ERMP1: variants seen among roughly 807,000 people sequenced by gnomAD.
ERMP1 encodes the protein endoplasmic reticulum metallopeptidase 1, also known as Felix-ina.
In ERMP1, 86 loss-of-function variants were observed where a neutral mutation model predicts 92.0. The ratio of observed to expected loss-of-function variants is 0.93; its 90% CI spans 0.79 to 1.12. ERMP1 has a LOEUF of 1.12. Among genes scored for constraint, ERMP1 ranks in the 50% most tolerant of loss-of-function variants. The probability of loss-of-function intolerance (pLI) is 0.00; values close to 1 mark genes in which losing one functional copy is unlikely to be tolerated. For missense variants in ERMP1, 1,342 were observed against 1,116.3 expected (o/e 1.20, Z -2.88); for synonymous variants, 530 against 412.8 (o/e 1.28, Z -3.44).
At chr9:5,863,108 C>T (rs139857101) in intron 5 of ERMP1, among the ~76,000 whole-genome samples, 57 of 152,320 alleles carry the variant, frequency 3.7e-4, no homozygotes, top group Admixed American at 3.0e-3. Flanking sequence ...CAGCAAGAAA[C>T]CCTGTCTTCA....
At chr9:5,850,491 G>A (rs1563782184) in intron 6 of ERMP1, among the ~76,000 whole-genome samples, 1 of 151,590 alleles carries the variant, frequency 6.6e-6, no homozygotes, top group Non-Finnish European at 1.5e-5. Flanking sequence ...GGGGGAATTG[G>A]GAGGGAGCAT....
chr9:5,809,176 T>A lies in ERMP1; in HGVS notation c.1548+835A>T, dbSNP rs200099552. Among the ~76,000 whole-genome samples the A allele has an allele frequency of 1.6e-4, 24 of 151,976 alleles. No individual in the cohort carries two copies. In the East Asian group the frequency reaches 1.9e-3, roughly 12 times the overall value. On this transcript the variant is annotated intron_variant, in intron 8 of 14. Transcript: ENST00000339450. ...AGCTGGGACTACAGGCGCCGCCACC[T>A]CGCCCGGCTAATTTTTTGTATTTTT...
intron 13 of ERMP1, among the ~76,000 whole-genome samples, chr9:5,790,918 A>G (rs1003842860): frequency 1.3e-5 from 2 of 152,336 alleles, no homozygotes; most frequent in Admixed American, 6.5e-5. Flanking sequence ...ACATGGGTAT[A>G]TATCTGCTTT....
intron 10 of ERMP1, among the ~76,000 whole-genome samples, chr9:5,803,034 AAAACAAAC>A (rs143822704): frequency 1.2e-4 from 18 of 151,604 alleles, no homozygotes; most frequent in African/African-American, 1.7e-4. Flanking sequence ...CTCTGTCTCA[AAAACAAAC>A]AAACAAACAA....
Position 5,812,911 on chromosome 9 carries a change from G to C in ERMP1, c.999C>G (p.Tyr333Ter). The part of the protein sequence containing the change: ...IIPSDTDFRI[Y>*]RDFGNIPGID... The stretch of plus-strand genomic sequence containing the variant: ...TACCTGGAATGTTCCCAAAATCCCT[G>C]TAGATACGAAAGTCAGTATCTGAAG... Residue 333 changes from tyrosine (Y) to a stop codon, truncating the protein, a stop_gained, in exon 5 of 15, where the codon TAC becomes TAG. Transcript: ENST00000339450. LOFTEE classifies it high-confidence loss of function. 1 of 1,613,930 alleles carries C rather than the reference G, an allele frequency of 6.2e-7. No individual in the cohort carries two copies. Among genetic ancestry groups the C allele is most frequent in the Non-Finnish European group, 8.5e-7 (1 of 1,179,880 alleles).
At position 5,787,324 on chromosome 9, in the gene ERMP1, A is replaced by G; in HGVS notation, c.2551-16T>C. 3 of 1,609,710 alleles carry G rather than the reference A, an allele frequency of 1.9e-6. No individual in the cohort carries two copies. The highest frequency in any genetic ancestry group is 2.5e-6 in the Non-Finnish European group (3 of 1,178,132). On this transcript the variant is annotated splice_polypyrimidine_tract_variant and intron_variant, in intron 14 of 14. Transcript: ENST00000339450. ...CTTCTGAAACCTGCCAGAGAAAATC[A>G]ATTAGTTCTCCAGTTCTCAGAAGCC...
In ERMP1 at chr9:5,812,127, G is replaced by C; in HGVS notation, c.1112C>G (p.Ala371Gly). 6.3e-7 allele frequency: 1 copy of C among 1,589,242 alleles called. No homozygotes were observed. Among genetic ancestry groups the C allele is most frequent in the African/African-American group, 1.4e-5 (1 of 74,006 alleles). The change falls in exon 6 of 15, where the codon GCA becomes GGA. Residue 371 changes from alanine (A) to glycine (G), a missense_variant and splice_region_variant. Physicochemically the swap from Ala to Gly is moderately conservative, Grantham distance 60. Coordinates refer to ENST00000339450, the MANE Select transcript of ERMP1 (RefSeq NM_024896.3). ...AAAGTCTAAATTGGAATACCAACCT[G>C]CTCTCTGAATGGAATCTGTTAGAAT... Reference protein sequence around the residue: ...DRILTDSIQRAGDNILAVLKH... With the variant: ...DRILTDSIQRGGDNILAVLKH...
intron 13 of ERMP1, chr9:5,791,208 A>C (rs1223418776): frequency 1.1e-5 from 5 of 456,690 alleles, no homozygotes; most frequent in Non-Finnish European, 1.8e-5. Flanking sequence ...AGAGTGATTG[A>C]GATTTATTTT....
rs1828662126 is a variant in ERMP1, at chr9:5,801,266, ACATAC to A, written c.1972_1976del (p.Val658CysfsTer16). Reference sequence around the variant, plus strand: ...TGCAAACAAGGAGGAATGTAATTGCACATACCAAAGTTAAAGTTAGCATGGTTTTT... The same window carrying A: ...TGCAAACAAGGAGGAATGTAATTGCACAAAGTTAAAGTTAGCATGGTTTTT... On this transcript the variant is annotated frameshift_variant, in exon 11 of 15. Coordinates refer to ENST00000339450, the MANE Select transcript of ERMP1 (RefSeq NM_024896.3). LOFTEE classifies it high-confidence loss of function. 1 of 1,613,750 alleles carries A rather than the reference ACATAC, an allele frequency of 6.2e-7. No individual in the cohort carries two copies. The highest frequency in any genetic ancestry group is 1.7e-5 in the Admixed American group (1 of 59,954).
chr9:5,852,305 G>T (rs1830319707), intron 6 of ERMP1, among the ~76,000 whole-genome samples: 1 of 149,370 alleles, frequency 6.7e-6, no homozygotes, highest in South Asian at 2.1e-4. Context: ...ATTCTGTCAT[G>T]TAGCTGGAGT....
In ERMP1 at chr9:5,798,876, G is replaced by C; in HGVS notation, c.2200C>G (p.Arg734Gly). The change falls in exon 12 of 15, where the codon CGA becomes GGA. Residue 734 changes from arginine to glycine, a missense_variant. Transcript: ENST00000339450. ...GGTGCATTCTCCTCACAGTGAGCTC[G>C]GATACTATCATTGATCTCAGGAATG... ...PHIPEINDSI[R>G]AHCEENAPLC... 1.2e-6 allele frequency: 2 copies of C among 1,613,452 alleles called. No homozygotes were observed. The highest frequency in any genetic ancestry group is 1.7e-6 in the Non-Finnish European group (2 of 1,179,494).
rs1829088759 is a variant in ERMP1 at position 5,811,401 on chromosome 9, A to G, written c.1115-78T>C. On this transcript the variant is annotated intron_variant, in intron 6 of 14. Coordinates refer to ENST00000339450, the MANE Select transcript of ERMP1 (RefSeq NM_024896.3). ...TGAATAAACTATTTGTGATTTACAC[A>G]TACCACTATTTAAAGCAGAAATAAA... The G allele has an allele frequency of 2.3e-5, 24 of 1,030,232 alleles. No homozygotes were observed. In the South Asian group the frequency reaches 3.6e-4, roughly 16 times the overall value. The allele number at this position is 1,030,232 out of a possible 1,614,324, so 63.8% of individuals were successfully genotyped here. A position where few individuals can be genotyped will look rare whatever the true frequency, so the allele number is the denominator to read the frequency against.
intron 13 of ERMP1, among the ~76,000 whole-genome samples, chr9:5,795,227 G>A (rs1161305039): frequency 2.0e-5 from 3 of 152,106 alleles, no homozygotes; most frequent in Admixed American, 2.0e-4. Flanking sequence ...AGTAAGCTAG[G>A]AATAGAGGGA....
intron 6 of ERMP1, among the ~76,000 whole-genome samples, chr9:5,847,701 C>G (rs567616649): frequency 2.9e-3 from 447 of 152,140 alleles, no homozygotes; most frequent in African/African-American, 0.011. Context: ...CGAGACCATC[C>G]TGGCTAACAC....
At position 5,791,097 on chromosome 9, in the gene ERMP1, C is replaced by T. The variant is rs563622390; in HGVS notation, c.2387-3504G>A. The T allele has an allele frequency of 4.5e-5, 17 of 376,740 alleles. No individual in the cohort carries two copies. The East Asian group carries it at 5.5e-4, about 12-fold the overall frequency. The allele number at this position is 376,740 out of a possible 1,614,324, so 23.3% of individuals were successfully genotyped here. On this transcript the variant is annotated intron_variant, in intron 13 of 14. Transcript: ENST00000339450. ...GGAAGAGTACTCAGAAAAAGTATAG[C>T]GTGAACAGCTGCAGGAACAGTTGAA...
rs912753669 is a variant in ERMP1, at chr9:5,796,198, T to C, written c.2386+1619A>G. On this transcript the variant is annotated intron_variant, in intron 13 of 14. Coordinates refer to ENST00000339450, the MANE Select transcript of ERMP1 (RefSeq NM_024896.3). ...ACTCCAACAAGTTATTTTGTGAATA[T>C]TGACAAACTGATTCTAAAGTTTACA... is the stretch of plus-strand genomic sequence containing the variant. Among the ~76,000 whole-genome samples, 21 of 152,326 alleles carry C rather than the reference T, an allele frequency of 1.4e-4. No homozygotes were observed. In the South Asian group the frequency reaches 2.3e-3, roughly 17 times the overall value.
intron 6 of ERMP1, among the ~76,000 whole-genome samples, chr9:5,856,955 T>G (rs902783873): frequency 6.6e-6 from 1 of 152,190 alleles, no homozygotes; most frequent in African/African-American, 2.4e-5. Flanking sequence ...GGGGGCCATT[T>G]TAAACATTGA....
chr9:5,813,022 A>G lies in ERMP1; in HGVS notation c.888T>C (p.Pro296=). ...CTGAAACATAAGCTTGAACCAACCA[A>G]GGATTTTCAGGACCTAAAATGAAAG... ...ELVFQTGPEN[P]WLVQAYVSAA... Residue 296 remains proline, a synonymous_variant, in exon 5 of 15, where the codon CCT becomes CCC. Coordinates refer to ENST00000339450, the MANE Select transcript of ERMP1 (RefSeq NM_024896.3). 1.2e-6 allele frequency: 2 copies of G among 1,614,012 alleles called. No individual in the cohort carries two copies. Among genetic ancestry groups the G allele is most frequent in the Non-Finnish European group, 1.7e-6 (2 of 1,179,900 alleles).
intron 2 of ERMP1, among the ~76,000 whole-genome samples, chr9:5,827,059 A>G (rs1026421928): frequency 1.3e-5 from 2 of 152,194 alleles, no homozygotes; most frequent in African/African-American, 4.8e-5. Context: ...AAATAACTCA[A>G]TGCCTCTTCT....
Sources: allele counts gnomAD v4.1 joint callset (sites outside exome capture counted in the v4.1 genomes callset), GRCh38; gene constraint gnomAD v4.1.1; transcripts MANE v1.5; gene names NCBI Gene and HGNC (gene_info 2026-07-23, HGNC 2026-07-21).